PKHD1: variants seen among roughly 807,000 people sequenced by gnomAD.
The protein encoded by PKHD1 is fibrocystin.
In PKHD1, 291 loss-of-function variants were observed where a neutral mutation model predicts 412.0. That is an observed-to-expected ratio of 0.71 (90% CI 0.64 to 0.78). The LOEUF (loss-of-function observed/expected upper bound fraction) is 0.78, where lower values mean the gene tolerates loss of function less well. Among genes scored for constraint, PKHD1 ranks in the 30% least tolerant of loss-of-function variants. The pLI, the probability that PKHD1 is intolerant of heterozygous loss-of-function variation, is 0.00. For missense variants in PKHD1, 4,825 were observed against 4,950.7 expected (o/e 0.97, Z 0.76); for synonymous variants, 1,777 against 1,821.5 (o/e 0.98, Z 0.62).
At chr6:52,033,794 C>T (rs192741135) in intron 28 of PKHD1, among the ~76,000 whole-genome samples, 5 of 152,036 alleles carry the variant, frequency 3.3e-5, no homozygotes, top group Non-Finnish European at 5.9e-5. Context: ...ATGACTGATA[C>T]GATGGAACTT....
intron 35 of PKHD1, 65 bp downstream of exon 35, chr6:52,010,244 G>C (rs925153802): frequency 6.3e-6 from 9 of 1,432,998 alleles, no homozygotes; most frequent in African/African-American, 1.4e-5. Context: ...TTTTTTTAAT[G>C]TACACAATAT....
intron 35 of PKHD1, among the ~76,000 whole-genome samples, chr6:51,962,399 C>G (rs540081559): frequency 2.0e-5 from 3 of 152,224 alleles, no homozygotes; most frequent in African/African-American, 7.2e-5. Context: ...ATGATTAGCA[C>G]AGATATCTGT....
intron 50 of PKHD1, among the ~76,000 whole-genome samples, chr6:51,842,242 G>A (rs1269527162): frequency 6.6e-6 from 1 of 152,180 alleles, no homozygotes; most frequent in Non-Finnish European, 1.5e-5. Flanking sequence ...CAGCTCGGCT[G>A]CATCTCTGCT....
At chr6:52,022,978 C>G in intron 32 of PKHD1, 34 bp from the exon 33 acceptor site, 1 of 1,612,942 alleles carries the variant, frequency 6.2e-7, no homozygotes, top group Admixed American at 1.7e-5. Context: ...CTTGATCATA[C>G]AGGCAAATCT....
intron 52 of PKHD1, among the ~76,000 whole-genome samples, chr6:51,802,465 G>A (rs1166407652): frequency 2.6e-5 from 4 of 151,470 alleles, no homozygotes; most frequent in Non-Finnish European, 5.9e-5. Flanking sequence ...TGCTTAATAT[G>A]TGAAAAGGCA....
At chr6:51,923,333 G>T (rs1051338333) in intron 37 of PKHD1, among the ~76,000 whole-genome samples, 2 of 152,082 alleles carry the variant, frequency 1.3e-5, no homozygotes, top group Non-Finnish European at 2.9e-5. Flanking sequence ...AGACCACGTG[G>T]TCTCTGTCAT....
At chr6:51,929,949 G>C (rs181915317) in intron 37 of PKHD1, among the ~76,000 whole-genome samples, 5 of 152,274 alleles carry the variant, frequency 3.3e-5, no homozygotes, top group Admixed American at 3.3e-4. Context: ...AATTTCTCAG[G>C]GAGAAACTGG....
chr6:51,872,875 C>CTCTTTTTTTTTTTTTT (rs1491300867), intron 46 of PKHD1, among the ~76,000 whole-genome samples: 1 of 81,492 alleles, frequency 1.2e-5, no homozygotes, highest in African/African-American at 5.2e-5. Context: ...CCATCGTTTC[C>CTCTTTTTTTTTTTTTT]TTTTTTTTTT....
In PKHD1 at chr6:52,081,699, G is replaced by T. The variant is rs1582150686; in HGVS notation, c.281+693C>A. On this transcript the variant is annotated intron_variant, in intron 4 of 66. Coordinates refer to ENST00000371117, the MANE Select transcript of PKHD1 (RefSeq NM_138694.4). ...GAAAGATAACTTAGTTGAATGTTCA[G>T]GGAAAAGGTGGCATTTGTGGTATGG... Among the ~76,000 whole-genome samples, 4 of 152,322 alleles carry T rather than the reference G, an allele frequency of 2.6e-5. No homozygotes were observed. The East Asian group carries it at 5.8e-4, about 22-fold the overall frequency.
intron 55 of PKHD1, among the ~76,000 whole-genome samples, chr6:51,759,940 C>T (rs1787702887): frequency 6.6e-6 from 1 of 152,068 alleles, no homozygotes; most frequent in Non-Finnish European, 1.5e-5. Context: ...ACCTTCCAAA[C>T]ATATGCCTTT....
intron 46 of PKHD1, among the ~76,000 whole-genome samples, chr6:51,871,229 G>C (rs978404005): frequency 3.9e-5 from 6 of 152,112 alleles, no homozygotes; most frequent in African/African-American, 1.4e-4. Context: ...TGAGACAAAT[G>C]TTCATAACAG....
intron 15 of PKHD1, among the ~76,000 whole-genome samples, chr6:52,059,279 T>TTTTTTTTTTTTTTTTA (rs1808314269): frequency 6.9e-6 from 1 of 145,200 alleles, no homozygotes; most frequent in African/African-American, 2.6e-5. Flanking sequence ...TTTTTTTTTT[T>TTTTTTTTTTTTTTTTA]TTTTGAGACA....
At chr6:51,699,605 G>A (rs2150692108) in intron 60 of PKHD1, among the ~76,000 whole-genome samples, 1 of 152,146 alleles carries the variant, frequency 6.6e-6, no homozygotes, top group Non-Finnish European at 1.5e-5. Context: ...GGCTGCCAGG[G>A]CGTATGTTAA....
At chr6:51,995,575 T>A (rs1469606186) in intron 35 of PKHD1, among the ~76,000 whole-genome samples, 1 of 152,212 alleles carries the variant, frequency 6.6e-6, no homozygotes. Flanking sequence ...ATCCTGGTAA[T>A]CCTTTTAGGC....
rs543774685 is a variant in PKHD1 at position 51,800,951 on chromosome 6, T to G, written c.8303-9578A>C. On this transcript the variant is annotated intron_variant, in intron 52 of 66. Transcript: ENST00000371117. ...TCCTGTACCTTCCATAATTAATGGGTTTTTTTTCTACATTCAGCCTTGGCT... is the reference window on the plus strand; with the variant it reads ...TCCTGTACCTTCCATAATTAATGGGGTTTTTTTCTACATTCAGCCTTGGCT... Among the ~76,000 whole-genome samples, 11 of 152,056 alleles carry G rather than the reference T, an allele frequency of 7.2e-5. No individual in the cohort carries two copies. In the East Asian group the frequency reaches 1.4e-3, roughly 19 times the overall value.
chr6:51,926,135 G>A (rs1785578165), intron 37 of PKHD1, among the ~76,000 whole-genome samples: 1 of 152,140 alleles, frequency 6.6e-6, no homozygotes, highest in Non-Finnish European at 1.5e-5. Flanking sequence ...ATGTCAAACG[G>A]TGATGGGGAA....
At chr6:52,024,408 G>A (rs957833142) in intron 32 of PKHD1, among the ~76,000 whole-genome samples, 166 bp downstream of exon 32, 2 of 152,156 alleles carry the variant, frequency 1.3e-5, no homozygotes, top group Admixed American at 6.6e-5. Flanking sequence ...CATAAACAGA[G>A]CATAACAAAG....
intron 36 of PKHD1, among the ~76,000 whole-genome samples, chr6:51,958,467 T>G (rs1398094303): frequency 5.3e-5 from 8 of 152,066 alleles, no homozygotes; most frequent in African/African-American, 1.9e-4. Context: ...CTCCTACACT[T>G]TTCTCTCCTT....
At position 51,912,563 on chromosome 6, in the gene PKHD1, T is replaced by C. The variant is rs756138644; in HGVS notation, c.6135A>G (p.Glu2045=). 10 of 1,611,954 alleles carry C rather than the reference T, an allele frequency of 6.2e-6. No individual in the cohort carries two copies. Among genetic ancestry groups the C allele is most frequent in the Middle Eastern group, 1.7e-4 (1 of 6,052 alleles). The change falls in exon 38 of 67, where the codon GAA becomes GAG. Residue 2045 remains glutamate (E), a synonymous_variant. Transcript: ENST00000371117. ...GTLSLHGSLP[E]VIVTCLRATA... is the part of the protein sequence containing the mutation. Reference sequence around the variant, plus strand: ...TTGCTCTAAGACAGGTGACAATTACTTCTGGTAGTGAACCTAAAGCAGCCC... The same window carrying C: ...TTGCTCTAAGACAGGTGACAATTACCTCTGGTAGTGAACCTAAAGCAGCCC...
Sources: allele counts gnomAD v4.1 joint callset (sites outside exome capture counted in the v4.1 genomes callset), GRCh38; gene constraint gnomAD v4.1.1; transcripts MANE v1.5; gene names NCBI Gene and HGNC (gene_info 2026-07-23, HGNC 2026-07-21).